Variants in NLRP13 observed in about 807,000 individuals in gnomAD.
The protein encoded by NLRP13 is NACHT, LRR and PYD domains-containing protein 13.
Under a neutral mutation model 94.4 loss-of-function variants are expected in NLRP13, and 82 were observed. That is an observed-to-expected ratio of 0.87 (90% CI 0.73 to 1.04). The LOEUF is 1.04. Ranked by LOEUF, NLRP13 falls within the 50% of genes least tolerant of loss-of-function variation. The pLI is 0.00. For synonymous variants in NLRP13, 553 were observed against 464.7 expected, an observed-to-expected ratio of 1.19 and a Z score of -2.45; for missense variants, 1,426 against 1,230.8, an observed-to-expected ratio of 1.16 and a Z score of -2.37.
At chr19:55,923,855 A>C in intron 4 of NLRP13, 59 bp downstream of exon 4, 1 of 1,238,344 alleles carries the variant, frequency 8.1e-7, no homozygotes. Context: ...CTATGGACCT[A>C]GTGAAACCAA....
At chr19:55,913,569 A>AAAAAAG (rs1263717740) in intron 4 of NLRP13, among the ~76,000 whole-genome samples, 1 of 147,774 alleles carries the variant, frequency 6.8e-6, no homozygotes, top group African/African-American at 2.5e-5. Flanking sequence ...AAAAAAAAAA[A>AAAAAAG]AAGTTGCAAA....
intron 9 of NLRP13, among the ~76,000 whole-genome samples, chr19:55,901,047 G>C (rs561381201): frequency 2.2e-4 from 33 of 152,182 alleles, no homozygotes; most frequent in Non-Finnish European, 8.8e-5. Context: ...TGGGCTCAGG[G>C]TCTCTAATGG....
In NLRP13 at chr19:55,912,358, C is replaced by A; in HGVS notation, c.1459G>T (p.Ala487Ser). The change falls in exon 5 of 11, where the codon GCC (alanine) becomes TCC (serine). Residue 487 changes from alanine (A) to serine (S), a missense_variant. Ala to Ser is a moderately conservative substitution (Grantham distance 99, BLOSUM62 1). Coordinates refer to ENST00000342929, the MANE Select transcript of NLRP13 (RefSeq NM_176810.2). ...PGQWRALCSL[A>S]IEGLWSMNFT... The stretch of plus-strand genomic sequence containing the variant: ...TTCATAGACCACAGCCCTTCTATGG[C>A]CAGACTGCAGAGGGCCCTCCATTGT... 1 of 1,614,106 alleles carries A rather than the reference C, an allele frequency of 6.2e-7. No homozygotes were observed. Among genetic ancestry groups the A allele is most frequent in the African/African-American group, 1.3e-5 (1 of 75,040 alleles).
At chr19:55,900,775 T>TAAC (rs1555813815) in intron 9 of NLRP13, among the ~76,000 whole-genome samples, 1 of 134,192 alleles carries the variant, frequency 7.5e-6, no homozygotes, top group African/African-American at 2.8e-5. Flanking sequence ...GACTCCATCT[T>TAAC]AAAAAAAAAA....
chr19:55,915,831 A>G (rs1274447100), intron 4 of NLRP13, among the ~76,000 whole-genome samples: 1 of 151,970 alleles, frequency 6.6e-6, no homozygotes, highest in Non-Finnish European at 1.5e-5. Flanking sequence ...TTCACAGACC[A>G]GCCCATTGCC....
At chr19:55,903,812 G>A (rs1328414971) in intron 8 of NLRP13, among the ~76,000 whole-genome samples, 1 of 151,976 alleles carries the variant, frequency 6.6e-6, no homozygotes, top group Non-Finnish European at 1.5e-5. Context: ...ACCTCCCCAT[G>A]GGCCACTCCC....
At chr19:55,918,566 T>C (rs367595429) in intron 4 of NLRP13, among the ~76,000 whole-genome samples, 19 of 151,870 alleles carry the variant, frequency 1.3e-4, no homozygotes, top group African/African-American at 4.3e-4. Context: ...CCAACAGAAA[T>C]ACAGATGATC....
chr19:55,930,618 G>A lies in NLRP13; in HGVS notation c.319+1375C>T, dbSNP rs996682950. ...GGAGAATCCCTTGAACCCAGGAGGCGGAGAGTGCAGTAAGCCAAGATCACA... is the reference window on the plus strand; with the variant it reads ...GGAGAATCCCTTGAACCCAGGAGGCAGAGAGTGCAGTAAGCCAAGATCACA... On this transcript the variant is annotated intron_variant, in intron 1 of 10. Coordinates refer to ENST00000342929, the MANE Select transcript of NLRP13 (RefSeq NM_176810.2). Among the ~76,000 whole-genome samples the A allele has an allele frequency of 2.1e-4, 32 of 150,034 alleles. 1 individual carries two copies. The highest frequency in any genetic ancestry group is 7.3e-4 in the Admixed American group (11 of 15,070).
At chr19:55,927,985 G>C (rs540287458) in intron 1 of NLRP13, among the ~76,000 whole-genome samples, 1 of 152,170 alleles carries the variant, frequency 6.6e-6, no homozygotes, top group Non-Finnish European at 1.5e-5. Flanking sequence ...CACTGGTCAA[G>C]TACAGAAATA....
chr19:55,909,298 A>G (rs1986438963), intron 6 of NLRP13, among the ~76,000 whole-genome samples: 2 of 152,218 alleles, frequency 1.3e-5, no homozygotes, highest in South Asian at 4.1e-4. Flanking sequence ...TCATATTAGC[A>G]GGGGACCAAT....
At chr19:55,895,606 C>A (rs1190288091), downstream of NLRP13, among the ~76,000 whole-genome samples, 4 of 151,996 alleles carry the variant, frequency 2.6e-5, no homozygotes, top group Admixed American at 2.6e-4. Flanking sequence ...TTGCTTAAAC[C>A]CGGGAGGTGG....
chr19:55,930,874 T>TTTTATATATATATATATA (rs55900335), intron 1 of NLRP13, among the ~76,000 whole-genome samples: 16 of 70,184 alleles, frequency 2.3e-4, no homozygotes, highest in South Asian at 1.8e-3. Context: ...GAATCAGTGA[T>TTTTATATATATATATATA]TATATATATA....
intron 9 of NLRP13, 116 bp downstream of exon 9, chr19:55,901,919 A>G (rs1279393160): frequency 1.8e-6 from 2 of 1,083,060 alleles, no homozygotes; most frequent in African/African-American, 3.2e-5. Flanking sequence ...AAGCTCCTCC[A>G]TGGCAAAGAG....
rs759401181 is a variant in NLRP13, at chr19:55,898,826, A to T, written c.2901T>A (p.Asp967Glu). ...LDLGENDLQD[D>E]GVKLLCEALK... ...GAGCCTCACACAGTAGCTTCACTCC[A>T]TCATCCTGAAGATCATTTTCTCCCA... is the stretch of plus-strand genomic sequence containing the variant. The change falls in exon 10 of 11, where the codon GAT becomes GAA. Residue 967 changes from aspartate to glutamate, a missense_variant. Asp to Glu is a conservative substitution (Grantham distance 45). Transcript: ENST00000342929. 178 of 1,613,872 alleles carry T rather than the reference A, an allele frequency of 1.1e-4. No individual in the cohort carries two copies. Among genetic ancestry groups the T allele is most frequent in the Non-Finnish European group, 1.4e-4 (169 of 1,179,958 alleles).
At position 55,905,005 on chromosome 19, in the gene NLRP13, T is replaced by A; in HGVS notation, c.2555A>T (p.Asp852Val). Residue 852 changes from aspartate (D) to valine (V), a missense_variant, in exon 8 of 11, where the codon GAT (aspartate) becomes GTT (valine). Coordinates refer to ENST00000342929, the MANE Select transcript of NLRP13 (RefSeq NM_176810.2). ...CGCACACAATAGCTTTATGCCATCA[T>A]CTTGGAGCCGATTAAATCCCAGGCA... Reference protein sequence around the residue: ...RLCLGFNRLQDDGIKLLCAAL... With the variant: ...RLCLGFNRLQVDGIKLLCAAL... 6.2e-7 allele frequency: 1 copy of A among 1,613,962 alleles called. No individual in the cohort carries two copies. The highest frequency in any genetic ancestry group is 8.5e-7 in the Non-Finnish European group (1 of 1,179,958).
rs934370141 is a variant in NLRP13, at chr19:55,923,901, G to A, written c.523+13C>T. Reference sequence around the variant, plus strand: ...GCAACCTGTCCATTATCAACATAAAGTAGTATACACACCTGCTTCCTCTAG... The same window carrying A: ...GCAACCTGTCCATTATCAACATAAAATAGTATACACACCTGCTTCCTCTAG... On this transcript the variant is annotated intron_variant, in intron 4 of 10. Transcript: ENST00000342929. The A allele has an allele frequency of 1.2e-6, 2 of 1,605,134 alleles. No homozygotes were observed. The highest frequency in any genetic ancestry group is 1.3e-5 in the African/African-American group (1 of 74,730).
intron 1 of NLRP13, among the ~76,000 whole-genome samples, chr19:55,927,516 T>G (rs1011327839): frequency 1.3e-5 from 2 of 150,216 alleles, no homozygotes; most frequent in African/African-American, 2.5e-5. Context: ...AAGCCTGAAA[T>G]AGATTCTTCC....
At chr19:55,926,671 G>A (rs574195977) in intron 1 of NLRP13, among the ~76,000 whole-genome samples, 1 of 152,216 alleles carries the variant, frequency 6.6e-6, no homozygotes, top group South Asian at 2.1e-4. Flanking sequence ...AGTCAATGTG[G>A]TCCCTGTTCC....
At chr19:55,901,045 G>A (rs1986155402) in intron 9 of NLRP13, among the ~76,000 whole-genome samples, 1 of 152,190 alleles carries the variant, frequency 6.6e-6, no homozygotes, top group Non-Finnish European at 1.5e-5. Context: ...TCTGGGCTCA[G>A]GGTCTCTAAT....
Sources: gnomAD v4.1 joint callset for allele counts (sites outside exome capture counted in the v4.1 genomes callset) on GRCh38, gnomAD v4.1.1 for gene constraint, MANE v1.5 for transcripts, NCBI Gene and HGNC (gene_info 2026-07-23, HGNC 2026-07-21) for gene names.